Variants in MUC4 observed in about 807,000 individuals in gnomAD.
MUC4 encodes mucin-4.
Under a neutral mutation model 257.9 loss-of-function variants are expected in MUC4, and 202 were observed. That is an observed-to-expected ratio of 0.78 (90% CI 0.70 to 0.88). The LOEUF is 0.88. MUC4 is among the 40% of genes least tolerant of loss of function. The pLI is 0.00. For missense variants in MUC4, 5,976 were observed against 6,513.7 expected (o/e 0.92, Z 2.84); for synonymous variants, 2,351 against 2,757.1 (o/e 0.85, Z 4.62).
At position 195,782,010 on chromosome 3, in the gene MUC4, A is replaced by T; in HGVS notation, c.9570T>A (p.Pro3190=). The T allele has an allele frequency of 6.6e-7, 1 of 1,510,866 alleles. No individual in the cohort carries two copies. The highest frequency in any genetic ancestry group is 8.8e-7 in the Non-Finnish European group (1 of 1,130,300). 93.6% of individuals were successfully genotyped at this position (1,510,866 alleles called of 1,614,324 possible). The change falls in exon 2 of 25, where the codon CCT becomes CCA. Residue 3190 remains proline, a synonymous_variant. Transcript: ENST00000463781. ...GDTTPLPVTS[P]SSASTGHATP... ...TGGCGTGACCTGTGGATGCTGAGGAAGGGCTAGTGACAGGAAGAGGCGTGG... is the reference window on the plus strand; with the variant it reads ...TGGCGTGACCTGTGGATGCTGAGGATGGGCTAGTGACAGGAAGAGGCGTGG...
At chr3:195,759,809 T>C (rs2688526) in intron 16 of MUC4, among the ~76,000 whole-genome samples, 94,254 of 151,624 alleles carry the variant, frequency 0.62, 30,556 homozygotes, top group East Asian at 0.8. Context: ...ATCTCAGCTA[T>C]TCAGGAGGCT....
chr3:195,778,042 C>G (rs1160339203), intron 3 of MUC4, among the ~76,000 whole-genome samples: 1 of 152,218 alleles, frequency 6.6e-6, no homozygotes, highest in African/African-American at 2.4e-5. Context: ...CACTTAGACC[C>G]TGGGATGAGT....
chr3:195,758,453 T>C (rs150731138), intron 17 of MUC4, among the ~76,000 whole-genome samples: 1 of 152,148 alleles, frequency 6.6e-6, no homozygotes, highest in African/African-American at 2.4e-5. Flanking sequence ...TTAATAGATA[T>C]AAAAATGTTG....
intron 17 of MUC4, among the ~76,000 whole-genome samples, chr3:195,758,726 C>CTT (rs55919005): frequency 2.2e-5 from 3 of 135,170 alleles, no homozygotes; most frequent in African/African-American, 8.2e-5. Context: ...CCATGCCTGG[C>CTT]TTTTTTTTTT....
At chr3:195,811,413 A>ACC (rs1736722952) in intron 1 of MUC4, among the ~76,000 whole-genome samples, 1 of 151,804 alleles carries the variant, frequency 6.6e-6, no homozygotes, top group African/African-American at 2.4e-5. Context: ...ACCTCAGGTG[A>ACC]TCTCCTGCCT....
rs201179949 is a variant in MUC4, at chr3:195,781,122, G to A, written c.10458C>T (p.Thr3486=). 5.4e-3 allele frequency: 8,041 copies of A among 1,481,784 alleles called. 29 individuals are homozygous for A. Among genetic ancestry groups the A allele is most frequent in the Non-Finnish European group, 6.4e-3 (7,055 of 1,102,676 alleles). 91.8% of individuals were successfully genotyped at this position (1,481,784 alleles called of 1,614,324 possible). The change falls in exon 2 of 25, where the codon ACC becomes ACT. Residue 3486 remains threonine (T), a synonymous_variant. Transcript: ENST00000463781. The part of the protein sequence containing the change: ...TSPSSASTGH[T]TPLHVTIPSS... Reference sequence around the variant, plus strand: ...AAGGGATGGTGACATGAAGAGGGGTGGTGTGACCTGTAGATGCTGAGGAAG... The same window carrying A: ...AAGGGATGGTGACATGAAGAGGGGTAGTGTGACCTGTAGATGCTGAGGAAG...
At chr3:195,768,365 A>G (rs1722079395) in intron 7 of MUC4, among the ~76,000 whole-genome samples, 1 of 152,222 alleles carries the variant, frequency 6.6e-6, no homozygotes, top group Admixed American at 6.5e-5. Context: ...GCACTGCTAC[A>G]TCGGAGACAG....
At chr3:195,802,411 C>T (rs1337979772) in intron 1 of MUC4, among the ~76,000 whole-genome samples, 1 of 152,228 alleles carries the variant, frequency 6.6e-6, no homozygotes. Context: ...TCCACCGCAC[C>T]CCTGTGGGTT....
At chr3:195,760,533 G>T (rs1328979934) in intron 16 of MUC4, among the ~76,000 whole-genome samples, 1 of 114,162 alleles carries the variant, frequency 8.8e-6, no homozygotes, top group Non-Finnish European at 2.2e-5. Context: ...TGGATGGAGG[G>T]GGCTGGGAAG....
chr3:195,808,313 T>C (rs902229156), intron 1 of MUC4, among the ~76,000 whole-genome samples: 3 of 152,110 alleles, frequency 2.0e-5, no homozygotes, highest in Admixed American at 2.0e-4. Context: ...CCTCCCAGGT[T>C]CAAGCCATTC....
Position 195,780,497 on chromosome 3 carries a change from TG to T in MUC4, c.11082del (p.Thr3695ProfsTer564), listed in dbSNP as rs1727094781. On this transcript the variant is annotated frameshift_variant, in exon 2 of 25. Coordinates refer to ENST00000463781, the MANE Select transcript of MUC4 (RefSeq NM_018406.7). LOFTEE classifies it high-confidence loss of function. Reference protein sequence around the residue: ...TDTSSASTGQATPLPVTIPSS... With the variant: ...TDTSSASTGQXTPLPVTIPSS... ...GAAGGGATGGTGACAGGAAGAGGGG[TG>T]GCCTGACCTGTGGATGCTGAGGAAG... is the stretch of plus-strand genomic sequence containing the variant. 1 of 1,154,538 alleles carries T rather than the reference TG, an allele frequency of 8.7e-7. No individual in the cohort carries two copies. The highest frequency in any genetic ancestry group is 2.6e-5 in the African/African-American group (1 of 38,246). 71.5% of individuals were successfully genotyped at this position (1,154,538 alleles called of 1,614,324 possible). A position where few individuals can be genotyped will look rare whatever the true frequency, so the allele number is the denominator to read the frequency against.
Position 195,783,936 on chromosome 3 carries a change from G to C in MUC4, c.7644C>G (p.Thr2548=), listed in dbSNP as rs753513777. Residue 2548 remains threonine, a synonymous_variant, in exon 2 of 25, where the codon ACC becomes ACG. Coordinates refer to ENST00000463781, the MANE Select transcript of MUC4 (RefSeq NM_018406.7). ...GACCTGTGGATGCTGAGGAAGGGCT[G>C]GTGACATGAAGAGAGGTGGCGTGAC... ...STRHATSLHV[T]SPSSASTGHA... 1.3e-6 allele frequency: 2 copies of C among 1,522,664 alleles called. No individual in the cohort carries two copies. The highest frequency in any genetic ancestry group is 2.0e-5 in the Admixed American group (1 of 49,722). The allele number at this position is 1,522,664 out of a possible 1,614,324, so 94.3% of individuals were successfully genotyped here.
rs778282457 is a variant in MUC4 at position 195,782,544 on chromosome 3, G to A, written c.9036C>T (p.Thr3012=). 88 of 1,472,788 alleles carry A rather than the reference G, an allele frequency of 6.0e-5. 1 individual carries two copies. The African/African-American group carries it at 1.0e-3, about 17-fold the overall frequency. The allele number at this position is 1,472,788 out of a possible 1,614,324, so 91.2% of individuals were successfully genotyped here. ...SIGHATSLPV[T]DTSSISTGHA... is the part of the protein sequence containing the mutation. Reference sequence around the variant, plus strand: ...GACCTGTGGATATTGAGGAAGTGTCGGTGACAGGAAGAGAGGTGGCGTGAC... The same window carrying A: ...GACCTGTGGATATTGAGGAAGTGTCAGTGACAGGAAGAGAGGTGGCGTGAC... Residue 3012 remains threonine (T), a synonymous_variant, in exon 2 of 25, where the codon ACC becomes ACT. Transcript: ENST00000463781.
At chr3:195,778,659 C>A in intron 2 of MUC4, 131 bp downstream of exon 2, 1 of 1,282,588 alleles carries the variant, frequency 7.8e-7, no homozygotes, top group Non-Finnish European at 1.1e-6. Context: ...CACCCATCAC[C>A]TCCTCCCCTG....
chr3:195,752,999 G>A, intron 20 of MUC4, 52 bp downstream of exon 20: 1 of 1,498,948 alleles, frequency 6.7e-7, no homozygotes, highest in Non-Finnish European at 9.1e-7. Context: ...GGGGTGAGAG[G>A]GTGGGGCCCA....
At chr3:195,811,140 A>ATTTTTT (rs1438051300) in intron 1 of MUC4, among the ~76,000 whole-genome samples, 8 of 144,666 alleles carry the variant, frequency 5.5e-5, no homozygotes, top group South Asian at 2.2e-4. Context: ...TTTTTATTTT[A>ATTTTTT]TTTTATATTT....
Position 195,760,938 on chromosome 3 carries a change from C to T in MUC4, c.14794G>A (p.Gly4932Arg), listed in dbSNP as rs767645749. 1.5e-5 allele frequency: 25 copies of T among 1,614,074 alleles called. No individual in the cohort carries two copies. The highest frequency in any genetic ancestry group is 1.6e-4 in the Middle Eastern group (1 of 6,074). The change falls in exon 16 of 25, where the codon GGA (glycine) becomes AGA (arginine). Residue 4932 changes from glycine to arginine, a missense_variant. This residue lies in a region of MUC4 where 996 missense variants were observed against 1,137.3 expected (regional missense o/e 0.88). Transcript: ENST00000463781. ...DTLALRNASI[G>R]LHTREVSKNY... ...TTACTGACTTCCCTCGTGTGAAGTC[C>T]GATGCTTGCGTTGCGCAGGGCCAGG... is the stretch of plus-strand genomic sequence containing the variant.
intron 5 of MUC4, 139 bp from the exon 6 acceptor site, chr3:195,770,510 G>T: frequency 1.0e-6 from 1 of 952,574 alleles, no homozygotes; most frequent in Non-Finnish European, 1.6e-6. Context: ...CTGCATTTTT[G>T]CCGTGAGCTT....
chr3:195,770,839 A>G, intron 5 of MUC4: 1 of 458,392 alleles, frequency 2.2e-6, no homozygotes, highest in Non-Finnish European at 4.4e-6. Flanking sequence ...CCAGGAGCAC[A>G]GGACGGGCCC....
Sources: gnomAD v4.1 joint callset for allele counts (sites outside exome capture counted in the v4.1 genomes callset) on GRCh38, gnomAD v4.1.1 for gene constraint, gnomAD v4.1.1 regional missense constraint, MANE v1.5 for transcripts, NCBI Gene and HGNC (gene_info 2026-07-23, HGNC 2026-07-21) for gene names.